Variants in FER observed in about 807,000 individuals in gnomAD.
FER encodes tyrosine-protein kinase Fer.
FER carries 63 observed loss-of-function variants against 111.0 expected under a neutral mutation model. The observed-to-expected ratio is 0.57, with a 90% CI of 0.46 to 0.70. FER has a LOEUF of 0.70. Among genes scored for constraint, FER ranks in the 30% least tolerant of loss-of-function variants. The pLI, the probability that FER is intolerant of heterozygous loss-of-function variation, is 0.00. For missense variants in FER, 914 were observed against 954.0 expected (o/e 0.96, Z 0.55); for synonymous variants, 327 against 313.9 (o/e 1.04, Z -0.44).
At chr5:108,770,317 ATTGGTCTATAC>A (rs1296782877) in intron 2 of FER, among the ~76,000 whole-genome samples, 2 of 152,194 alleles carry the variant, frequency 1.3e-5, no homozygotes, top group East Asian at 3.8e-4. Flanking sequence ...AGTAAAAATA[ATTGGTCTATAC>A]TTTTATACTG....
chr5:109,172,617 TA>T (rs1229316906), intron 17 of FER, among the ~76,000 whole-genome samples: 14 of 151,926 alleles, frequency 9.2e-5, no homozygotes, highest in African/African-American at 3.4e-4. Flanking sequence ...ACATGTACCC[TA>T]AAACTTAAAG....
chr5:109,075,405 C>A (rs1383177404), intron 16 of FER, among the ~76,000 whole-genome samples: 1 of 146,468 alleles, frequency 6.8e-6, no homozygotes, highest in South Asian at 2.2e-4. Context: ...CTAAAAATAT[C>A]TTTGGAATGG....
chr5:108,867,837 G>T lies in FER; in HGVS notation c.552G>T (p.Gln184His), dbSNP rs752936986. Residue 184 changes from glutamine (Q) to histidine (H), a missense_variant, in exon 6 of 20, where the codon CAG becomes CAT. Gln to His is a conservative substitution (Grantham distance 24, BLOSUM62 0). Around this residue, in one of 3 missense-constraint regions of FER, gnomAD observed 774 missense variants for 782.6 expected, o/e 0.99. Transcript: ENST00000281092. ...TGAAACTTCATATGTTGCACAATCA[G>T]TATGTATTGGCGTTGAAAGGGGCAC... ...ATMKLHMLHN[Q>H]YVLALKGAQL... 6.2e-7 allele frequency: 1 copy of T among 1,612,604 alleles called. No individual in the cohort carries two copies. Among genetic ancestry groups the T allele is most frequent in the Admixed American group, 1.7e-5 (1 of 59,856 alleles).
chr5:108,946,620 TG>T (rs1444450204), intron 11 of FER, among the ~76,000 whole-genome samples: 1 of 152,000 alleles, frequency 6.6e-6, no homozygotes, highest in East Asian at 1.9e-4. Context: ...AATGTATTTA[TG>T]TGTATATTTA....
chr5:109,026,813 G>C (rs140391524), intron 13 of FER, among the ~76,000 whole-genome samples: 1,792 of 152,134 alleles, frequency 0.012, 17 homozygotes, highest in Non-Finnish European at 0.02. Context: ...CGAGTAGCTG[G>C]GATTACAGGC....
intron 10 of FER, chr5:108,924,463 G>A (rs1372981882): frequency 4.5e-6 from 2 of 444,368 alleles, no homozygotes; most frequent in Non-Finnish European, 7.0e-6. Context: ...GCTCGAAAAC[G>A]CAACATTTGT....
At chr5:108,961,884 G>C (rs956066263) in intron 13 of FER, among the ~76,000 whole-genome samples, 1 of 152,078 alleles carries the variant, frequency 6.6e-6, no homozygotes, top group Non-Finnish European at 1.5e-5. Flanking sequence ...AAATGTCTTT[G>C]ATTATATAAT....
chr5:108,837,956 A>T (rs1482565735), intron 5 of FER, among the ~76,000 whole-genome samples: 1 of 152,144 alleles, frequency 6.6e-6, no homozygotes, highest in African/African-American at 2.4e-5. Context: ...GTTTTCAAGA[A>T]TTTGATTTCT....
In FER at chr5:108,946,155, T is replaced by C. The variant is rs954003263; in HGVS notation, c.1262T>C (p.Phe421Ser). Residue 421 changes from phenylalanine to serine, a missense_variant, in exon 11 of 20, where the codon TTT becomes TCT. Coordinates refer to ENST00000281092, the MANE Select transcript of FER (RefSeq NM_005246.4). ...SMERKERLSK[F>S]ESIRHSIAGI... ...GAAAGAAAGGAGAGGCTATCCAAAT[T>C]TGAATCTATTCGTCATTCAATTGCT... is the stretch of plus-strand genomic sequence containing the variant. 2 of 1,612,170 alleles carry C rather than the reference T, an allele frequency of 1.2e-6. No individual in the cohort carries two copies. Among genetic ancestry groups the C allele is most frequent in the African/African-American group, 1.3e-5 (1 of 74,850 alleles).
At chr5:108,832,532 T>C (rs891483912) in intron 3 of FER, among the ~76,000 whole-genome samples, 1 of 152,206 alleles carries the variant, frequency 6.6e-6, no homozygotes, top group Non-Finnish European at 1.5e-5. Flanking sequence ...AGTCCCGTAA[T>C]CTTTTTCTTA....
chr5:109,022,305 G>A (rs1768038925), intron 13 of FER, among the ~76,000 whole-genome samples: 1 of 152,062 alleles, frequency 6.6e-6, no homozygotes, highest in Admixed American at 6.6e-5. Flanking sequence ...GGAACACATG[G>A]ATGCAGCTTG....
chr5:108,924,668 A>G, intron 10 of FER: 1 of 1,232,070 alleles, frequency 8.1e-7, no homozygotes, highest in East Asian at 3.2e-5. Context: ...GAGATGGAGC[A>G]GAAAATGAAA....
At chr5:108,936,565 T>C (rs73209338) in intron 10 of FER, among the ~76,000 whole-genome samples, 10,049 of 152,046 alleles carry the variant, frequency 0.066, 826 homozygotes, top group African/African-American at 0.19. Flanking sequence ...GGTACTTTAT[T>C]AATTCAAGCA....
At chr5:108,926,695 C>G (rs1022465409) in intron 10 of FER, among the ~76,000 whole-genome samples, 15 of 152,156 alleles carry the variant, frequency 9.9e-5, no homozygotes, top group Non-Finnish European at 2.9e-5. Context: ...TCAGTCTGCT[C>G]AGTCAGATGT....
At chr5:109,056,887 ATTC>A (rs1483771827) in intron 16 of FER, among the ~76,000 whole-genome samples, 4 of 152,282 alleles carry the variant, frequency 2.6e-5, no homozygotes, top group African/African-American at 9.6e-5. Context: ...AGTCCGGTTT[ATTC>A]TTCTTTTTCA....
intron 13 of FER, among the ~76,000 whole-genome samples, chr5:109,015,207 C>A (rs1766907959): frequency 6.6e-6 from 1 of 151,954 alleles, no homozygotes; most frequent in Non-Finnish European, 1.5e-5. Context: ...TGTGCTAGCC[C>A]CTTTGCAGTT....
chr5:109,119,490 T>A (rs1165639339), intron 17 of FER, among the ~76,000 whole-genome samples: 1 of 152,186 alleles, frequency 6.6e-6, no homozygotes, highest in Admixed American at 6.5e-5. Context: ...ATTCTGTTGA[T>A]TTGGGGTGGA....
At position 109,180,038 on chromosome 5, in the gene FER, T is replaced by C. The variant is rs193269596; in HGVS notation, c.2049-709T>C. Among the ~76,000 whole-genome samples, 451 of 152,196 alleles carry C rather than the reference T, an allele frequency of 3.0e-3. 4 individuals are homozygous for C. Among genetic ancestry groups the C allele is most frequent in the Non-Finnish European group, 3.6e-3 (248 of 68,000 alleles). On this transcript the variant is annotated intron_variant, in intron 17 of 19. Coordinates refer to ENST00000281092, the MANE Select transcript of FER (RefSeq NM_005246.4). The stretch of plus-strand genomic sequence containing the variant: ...CTGGAGGCAAAGCGGAACAGCTAAG[T>C]GCAAAGGGTATACAGTGCAAACAAG...
chr5:108,843,887 A>G (rs1000051759), intron 5 of FER, among the ~76,000 whole-genome samples: 2 of 152,184 alleles, frequency 1.3e-5, no homozygotes, highest in African/African-American at 2.4e-5. Flanking sequence ...TCAAGCCCGT[A>G]GAAAAGTTGA....
Sources: allele counts gnomAD v4.1 joint callset (sites outside exome capture counted in the v4.1 genomes callset), GRCh38; gene constraint gnomAD v4.1.1; regional missense constraint gnomAD v4.1.1; transcripts MANE v1.5; gene names NCBI Gene and HGNC (gene_info 2026-07-23, HGNC 2026-07-21).